The following CARD10 variants were observed in gnomAD, a reference collection of about 807,000 sequenced individuals.
CARD10 encodes caspase recruitment domain-containing protein 10.
CARD10 carries 49 observed loss-of-function variants against 114.6 expected under a neutral mutation model. The ratio of observed to expected loss-of-function variants is 0.43; its 90% confidence interval spans 0.34 to 0.54. The LOEUF is 0.54. Ranked by LOEUF, CARD10 falls within the 20% of genes least tolerant of loss-of-function variation. The probability of loss-of-function intolerance (pLI) is 0.03; values close to 1 mark genes in which losing one functional copy is unlikely to be tolerated. For synonymous variants in CARD10, 602 were observed against 593.2 expected (o/e 1.01, Z -0.21); for missense variants, 1,206 against 1,397.2 (o/e 0.86, Z 2.18).
At position 37,495,938 on chromosome 22, in the gene CARD10, T is replaced by A; in HGVS notation, c.2125A>T (p.Ile709Phe). 6.2e-7 allele frequency: 1 copy of A among 1,614,142 alleles called. No individual in the cohort carries two copies. The highest frequency in any genetic ancestry group is 8.5e-7 in the Non-Finnish European group (1 of 1,180,030). ...AKGPGAEPFY[I>F]RANLTLPERA... ...TCAGGCAAGGTGAGGTTGGCACGAA[T>A]GTAGAAGGGCTCGGCACCTGGTCCC... Residue 709 changes from isoleucine to phenylalanine, a missense_variant, in exon 14 of 20, where the codon ATT (isoleucine) becomes TTT (phenylalanine). Ile to Phe is a conservative substitution (Grantham distance 21). Coordinates refer to ENST00000251973, the MANE Select transcript of CARD10 (RefSeq NM_014550.4).
intron 5 of CARD10, 76 bp downstream of exon 5, chr22:37,508,451 C>T (rs1462723768): frequency 3.5e-6 from 5 of 1,420,546 alleles, no homozygotes; most frequent in Non-Finnish European, 4.7e-6. Context: ...CAAGCAGATG[C>T]TCAGGGAAGG....
Position 37,515,985 on chromosome 22 carries a change from G to A in CARD10, c.687C>T (p.Asp229=), listed in dbSNP as rs1324790094. 1 of 1,581,606 alleles carries A rather than the reference G, an allele frequency of 6.3e-7. No homozygotes were observed. The highest frequency in any genetic ancestry group is 2.3e-5 in the East Asian group (1 of 43,692). The part of the protein sequence containing the change: ...EKNSAVLRSR[D]LQLAVDQLKL... ...CCCCAGGGCCTACCGCCAGCTGCAG[G>A]TCACGGCTGCGAAGTACAGCCGAGT... Residue 229 remains aspartate (D), a synonymous_variant, in exon 3 of 20, where the codon GAC becomes GAT. Transcript: ENST00000251973.
Position 37,496,692 on chromosome 22 carries a change from C to G in CARD10, c.1948-132G>C, listed in dbSNP as rs1923016023. The G allele has an allele frequency of 1.4e-6, 1 of 730,670 alleles. No individual in the cohort carries two copies. Among genetic ancestry groups the G allele is most frequent in the African/African-American group, 1.8e-5 (1 of 56,338 alleles). The allele number at this position is 730,670 out of a possible 1,614,324, so 45.3% of individuals were successfully genotyped here. ...CAGATAGCGCCCCCTCAGAAACTGC[C>G]ATGCCCAGCCCAGTCAGACCCGTCC... On this transcript the variant is annotated intron_variant, in intron 12 of 19. Coordinates refer to ENST00000251973, the MANE Select transcript of CARD10 (RefSeq NM_014550.4). The surrounding 1 kb of genome is among the most constrained non-coding windows in gnomAD (Gnocchi z 4.1).
At position 37,506,316 on chromosome 22, in the gene CARD10, C is replaced by T. The variant is rs1267645541; in HGVS notation, c.1259G>A (p.Arg420His). 2.5e-6 allele frequency: 4 copies of T among 1,609,918 alleles called. No homozygotes were observed. Among genetic ancestry groups the T allele is most frequent in the Non-Finnish European group, 1.7e-6 (2 of 1,178,080 alleles). ...SQSLIEKDQY[R>H]KQVRGLEAER... Reference sequence around the variant, plus strand: ...CGCCTCCAGGCCCCGCACCTGCTTGCGGTACTGGTCCTTCTCGATGAGGCT... The same window carrying T: ...CGCCTCCAGGCCCCGCACCTGCTTGTGGTACTGGTCCTTCTCGATGAGGCT... The change falls in exon 7 of 20, where the codon CGC becomes CAC. Residue 420 changes from arginine to histidine, a missense_variant. Physicochemically the swap from Arg to His is conservative, Grantham distance 29. Coordinates refer to ENST00000251973, the MANE Select transcript of CARD10 (RefSeq NM_014550.4).
In CARD10 at chr22:37,519,098, G is replaced by C; in HGVS notation, c.103C>G (p.Arg35Gly). 2 of 1,589,326 alleles carry C rather than the reference G, an allele frequency of 1.3e-6. No individual in the cohort carries two copies. Among genetic ancestry groups the C allele is most frequent in the Non-Finnish European group, 8.5e-7 (1 of 1,174,938 alleles). The change falls in exon 1 of 20, where the codon CGG becomes GGG. Residue 35 changes from arginine (R) to glycine (G), a missense_variant. Arg to Gly is a moderately radical substitution (Grantham distance 125). Transcript: ENST00000251973. This position sits in a 1 kb window ranked among gnomAD's most constrained non-coding sequence, Gnocchi z 4.1. The part of the protein sequence containing the change: ...DALWERIEGV[R>G]HRLARALNPA... Reference sequence around the variant, plus strand: ...TTCAGGGCGCGAGCCAGCCGATGCCGGACGCCCTCGATTCGCTCCCACAGC... The same window carrying C: ...TTCAGGGCGCGAGCCAGCCGATGCCCGACGCCCTCGATTCGCTCCCACAGC...
At position 37,491,152 on chromosome 22, in the gene CARD10, ATGAGCC is replaced by A. The variant is rs963791706; in HGVS notation, c.*1_*6del. On this transcript the variant is annotated 3_prime_UTR_variant, in exon 20 of 20. Transcript: ENST00000251973. Reference sequence around the variant, plus strand: ...CTTGGGGAGAAGGTGCAGGTATCAGATGAGCCTCAGGCCTCACTGCTGCTGGGGCAG... The same window carrying A: ...CTTGGGGAGAAGGTGCAGGTATCAGATCAGGCCTCACTGCTGCTGGGGCAG... 2 of 1,547,138 alleles carry A rather than the reference ATGAGCC, an allele frequency of 1.3e-6. No homozygotes were observed. The highest frequency in any genetic ancestry group is 2.7e-5 in the African/African-American group (2 of 73,416).
intron 3 of CARD10, chr22:37,514,476 C>G (rs950736322): frequency 5.9e-5 from 9 of 152,390 alleles, no homozygotes; most frequent in Non-Finnish European, 1.0e-4. Flanking sequence ...ACCAGGCCCT[C>G]GAACGATAGC....
In CARD10 at chr22:37,496,454, G is replaced by C; in HGVS notation, c.2054C>G (p.Ser685Trp). The change falls in exon 13 of 20, where the codon TCG (serine) becomes TGG (tryptophan). Residue 685 changes from serine (S) to tryptophan (W), a missense_variant. Coordinates refer to ENST00000251973, the MANE Select transcript of CARD10 (RefSeq NM_014550.4). The surrounding 1 kb of genome is among the most constrained non-coding windows in gnomAD (Gnocchi z 4.1). ...GACTCCCAAGCCAGACTTACCCTTC[G>C]AGTCCATCAGGGAGGGGAGTGTGGA... ...QGSTLPSLMD[S>W]KACQSFHEAL... 2.5e-6 allele frequency: 4 copies of C among 1,609,128 alleles called. No individual in the cohort carries two copies. The highest frequency in any genetic ancestry group is 3.4e-6 in the Non-Finnish European group (4 of 1,176,162).
At position 37,501,735 on chromosome 22, in the gene CARD10, T is replaced by C. The variant is rs1028306571; in HGVS notation, c.1787+867A>G. On this transcript the variant is annotated intron_variant, in intron 11 of 19. Transcript: ENST00000251973. The surrounding 1 kb of genome is among the most constrained non-coding windows in gnomAD (Gnocchi z 5.4). ...CTCTGAGCCCCAGTTACCTCCTCTA[T>C]GGAGCAGAGATAATCGTCATTATGC... 1.3e-5 allele frequency among the ~76,000 whole-genome samples: 2 copies of C among 152,248 alleles called. No individual in the cohort carries two copies. The highest frequency in any genetic ancestry group is 4.8e-5 in the African/African-American group (2 of 41,462).
intron 11 of CARD10, 40 bp from the exon 12 acceptor site, chr22:37,497,218 A>C (rs770317806): frequency 5.7e-6 from 9 of 1,583,116 alleles, no homozygotes; most frequent in Non-Finnish European, 7.7e-6. Flanking sequence ...GAGTCCAATC[A>C]GTACTTGGAT....
chr22:37,500,331 G>A (rs1923166389), intron 11 of CARD10, among the ~76,000 whole-genome samples: 1 of 152,284 alleles, frequency 6.6e-6, no homozygotes. Flanking sequence ...TGAGCGAGCT[G>A]GGCAGTGGTG....
chr22:37,515,358 T>A (rs552800089), intron 3 of CARD10, among the ~76,000 whole-genome samples: 66 of 151,778 alleles, frequency 4.3e-4, no homozygotes, highest in African/African-American at 1.5e-3. Flanking sequence ...AGGTCAGGAG[T>A]TCGAGACCAG....
intron 19 of CARD10, 97 bp from the exon 20 acceptor site, chr22:37,491,490 A>G: frequency 1.3e-6 from 1 of 769,834 alleles, no homozygotes; most frequent in South Asian, 2.4e-5. Context: ...AGTCAGAGAG[A>G]GAAGATGGAC....
intron 4 of CARD10, among the ~76,000 whole-genome samples, chr22:37,509,425 G>A (rs984432682): frequency 2.0e-5 from 3 of 152,118 alleles, no homozygotes; most frequent in Non-Finnish European, 4.4e-5. Flanking sequence ...ACCAGGGACA[G>A]CCACGTGCTA....
rs1363602091 is a variant in CARD10, at chr22:37,506,877, T to C, written c.1192-494A>G. On this transcript the variant is annotated intron_variant, in intron 6 of 19. Coordinates refer to ENST00000251973, the MANE Select transcript of CARD10 (RefSeq NM_014550.4). ...GAGAGCCGGGGGCAGCCCCATAAAA[T>C]GCAGATTCCTGGGGCCCACCCCAGA... is the stretch of plus-strand genomic sequence containing the variant. 3.9e-5 allele frequency among the ~76,000 whole-genome samples: 6 copies of C among 152,152 alleles called. No individual in the cohort carries two copies. In the East Asian group the frequency reaches 1.2e-3, roughly 29 times the overall value.
chr22:37,493,387 C>G (rs1269707748), intron 16 of CARD10, among the ~76,000 whole-genome samples: 1 of 152,204 alleles, frequency 6.6e-6, no homozygotes, highest in African/African-American at 2.4e-5. Flanking sequence ...CCACTGCACA[C>G]CTCACACTCT....
In CARD10 at chr22:37,502,738, A is replaced by T. The variant is rs1200171394; in HGVS notation, c.1664-13T>A. On this transcript the variant is annotated splice_polypyrimidine_tract_variant and intron_variant, in intron 10 of 19. Transcript: ENST00000251973. The stretch of plus-strand genomic sequence containing the variant: ...AGTGTCACACTCCCTGGGGAAAAAG[A>T]ATGAGGTTCAGGGATCTGGCACTGG... The T allele has an allele frequency of 1.2e-6, 2 of 1,611,490 alleles. No homozygotes were observed. The highest frequency in any genetic ancestry group is 2.7e-5 in the African/African-American group (2 of 74,892).
chr22:37,505,186 G>A (rs553406613), intron 7 of CARD10, among the ~76,000 whole-genome samples: 3 of 152,002 alleles, frequency 2.0e-5, no homozygotes, highest in Non-Finnish European at 2.9e-5. Context: ...AGAACCAGGC[G>A]AGAGGACAAG....
chr22:37,491,152 A>G lies in CARD10; in HGVS notation c.*7T>C. ...CTTGGGGAGAAGGTGCAGGTATCAG[A>G]TGAGCCTCAGGCCTCACTGCTGCTG... On this transcript the variant is annotated 3_prime_UTR_variant, in exon 20 of 20. Transcript: ENST00000251973. The G allele has an allele frequency of 6.5e-7, 1 of 1,547,138 alleles. No individual in the cohort carries two copies. The highest frequency in any genetic ancestry group is 8.7e-7 in the Non-Finnish European group (1 of 1,144,662).
Sources: allele counts gnomAD v4.1 joint callset (sites outside exome capture counted in the v4.1 genomes callset), GRCh38; gene constraint gnomAD v4.1.1; non-coding constraint Gnocchi (gnomAD v3.1); transcripts MANE v1.5; gene names NCBI Gene and HGNC (gene_info 2026-07-23, HGNC 2026-07-21).